Variants in SORCS3 observed in about 807,000 individuals in gnomAD.
SORCS3 encodes the protein sortilin related VPS10 domain containing receptor 3.
SORCS3 carries 57 observed loss-of-function variants against 146.3 expected under a neutral mutation model. The observed-to-expected ratio is 0.39, with a 90% CI of 0.31 to 0.49. The LOEUF is 0.49. SORCS3 is among the 20% of genes least tolerant of loss of function. The pLI, the probability that SORCS3 is intolerant of heterozygous loss-of-function variation, is 0.92. For missense variants in SORCS3, 1,341 were observed against 1,575.5 expected, an observed-to-expected ratio of 0.85 and a Z score of 2.52; for synonymous variants, 653 against 618.5, an observed-to-expected ratio of 1.06 and a Z score of -0.83.
rs1468796707 is a variant in SORCS3 at position 104,756,922 on chromosome 10, C to T, written c.628-85870C>T. On this transcript the variant is annotated intron_variant, in intron 1 of 26. Transcript: ENST00000369701. ...AGGACTTGATCTTCTGTCCGTTCCACCTGCTTTCAGGACCACTGGAGATAG... is the reference window on the plus strand; with the variant it reads ...AGGACTTGATCTTCTGTCCGTTCCATCTGCTTTCAGGACCACTGGAGATAG... Among the ~76,000 whole-genome samples, 37 of 152,160 alleles carry T rather than the reference C, an allele frequency of 2.4e-4. 1 individual carries two copies. The highest frequency in any genetic ancestry group is 2.4e-3 in the Admixed American group (37 of 15,280).
rs187901979 is a variant in SORCS3 at position 104,790,086 on chromosome 10, T to C, written c.628-52706T>C. Among the ~76,000 whole-genome samples, 228 of 152,282 alleles carry C rather than the reference T, an allele frequency of 1.5e-3. 3 individuals carry two copies. The highest frequency in any genetic ancestry group is 5.3e-3 in the African/African-American group (220 of 41,548). On this transcript the variant is annotated intron_variant, in intron 1 of 26. Transcript: ENST00000369701. ...TGTCCAGGATCTATAACTGTTTCTT[T>C]CCCCGTGCAGAAGCACCAAGGTGCA...
Position 104,725,359 on chromosome 10 carries a change from G to A in SORCS3, c.627+83405G>A, listed in dbSNP as rs538513779. 4.6e-5 allele frequency among the ~76,000 whole-genome samples: 7 copies of A among 152,252 alleles called. 1 individual carries two copies. Among genetic ancestry groups the A allele is most frequent in the East Asian group, 3.9e-4 (2 of 5,170 alleles). Reference sequence around the variant, plus strand: ...GAAGTTTTGTCTCAGAGGAGTACCCGGGCATGTGAGGTGTCAGTCTGCCCC... The same window carrying A: ...GAAGTTTTGTCTCAGAGGAGTACCCAGGCATGTGAGGTGTCAGTCTGCCCC... On this transcript the variant is annotated intron_variant, in intron 1 of 26. Transcript: ENST00000369701.
At chr10:104,997,251 G>A (rs1589585795) in intron 4 of SORCS3, among the ~76,000 whole-genome samples, 1 of 152,130 alleles carries the variant, frequency 6.6e-6, no homozygotes, top group African/African-American at 2.4e-5. Context: ...TGGAAGTTGG[G>A]AACTGTCTAT....
At chr10:105,142,114 C>T (rs188231279) in intron 8 of SORCS3, among the ~76,000 whole-genome samples, 7 of 152,246 alleles carry the variant, frequency 4.6e-5, no homozygotes, top group African/African-American at 9.6e-5. Context: ...CACTTTACCA[C>T]GCTGAGCCTG....
intron 6 of SORCS3, among the ~76,000 whole-genome samples, chr10:105,091,442 C>T (rs1195618422): frequency 1.8e-5 from 1 of 55,858 alleles, no homozygotes; most frequent in African/African-American, 7.0e-5. Flanking sequence ...TTCCTTCCTT[C>T]GTTCCTTCCT....
rs112598598 is a variant in SORCS3 at position 104,661,672 on chromosome 10, T to TATAGATAG, written c.627+19740_627+19747dup. Among the ~76,000 whole-genome samples, 919 of 151,672 alleles carry TATAGATAG rather than the reference T, an allele frequency of 6.1e-3. 4 individuals carry two copies. Among genetic ancestry groups the TATAGATAG allele is most frequent in the African/African-American group, 9.1e-3 (377 of 41,340 alleles). On this transcript the variant is annotated intron_variant, in intron 1 of 26. Transcript: ENST00000369701. ...TATTTAAGGTAGTATGATTTGGGAA[T>TATAGATAG]ATAGATAGATAGATAGATAGATAGA...
intron 1 of SORCS3, among the ~76,000 whole-genome samples, chr10:104,686,264 C>A (rs994681965): frequency 5.3e-5 from 8 of 152,030 alleles, no homozygotes; most frequent in Non-Finnish European, 1.2e-4. Context: ...TGGGTATGTT[C>A]TCTGGTCTTG....
At chr10:105,113,882 C>T (rs1037533681) in intron 7 of SORCS3, among the ~76,000 whole-genome samples, 1 of 152,094 alleles carries the variant, frequency 6.6e-6, no homozygotes, top group Non-Finnish European at 1.5e-5. Flanking sequence ...GAAATGCCTC[C>T]GTTCCACTTG....
At chr10:105,185,537 G>T (rs1463199298) in intron 14 of SORCS3, among the ~76,000 whole-genome samples, 2 of 151,932 alleles carry the variant, frequency 1.3e-5, no homozygotes, top group Non-Finnish European at 2.9e-5. Context: ...TTTTAAATTT[G>T]TGATTCACAA....
chr10:104,972,689 A>T (rs888193024), intron 3 of SORCS3, among the ~76,000 whole-genome samples: 4 of 152,050 alleles, frequency 2.6e-5, no homozygotes, highest in African/African-American at 9.7e-5. Context: ...AGGACAGGAG[A>T]CAGAAGACCA....
Position 105,245,528 on chromosome 10 carries a change from ACTT to A in SORCS3, c.2869-7_2869-5del, listed in dbSNP as rs759439692. On this transcript the variant is annotated splice_polypyrimidine_tract_variant and intron_variant, in intron 20 of 26. Coordinates refer to ENST00000369701, the MANE Select transcript of SORCS3 (RefSeq NM_014978.3). ...CACACAAGACTGAATGAGTATTGTT[ACTT>A]CTTCTTGTAGCCTCTCATCACTTTG... is the stretch of plus-strand genomic sequence containing the variant. The A allele has an allele frequency of 2.2e-5, 36 of 1,613,894 alleles. No homozygotes were observed. In the South Asian group the frequency reaches 2.3e-4, roughly 10 times the overall value.
intron 3 of SORCS3, among the ~76,000 whole-genome samples, chr10:104,919,603 C>T (rs985014536): frequency 5.9e-5 from 9 of 151,942 alleles, no homozygotes; most frequent in South Asian, 2.1e-4. Flanking sequence ...GCAGGAGAAT[C>T]GCTTGAACCC....
At chr10:105,155,029 A>C (rs1051792504) in intron 9 of SORCS3, among the ~76,000 whole-genome samples, 1 of 152,216 alleles carries the variant, frequency 6.6e-6, no homozygotes, top group Non-Finnish European at 1.5e-5. Context: ...CATTATGTAC[A>C]ACTGCAGGAG....
chr10:105,133,176 G>T (rs1008476225), intron 7 of SORCS3, among the ~76,000 whole-genome samples: 1 of 152,186 alleles, frequency 6.6e-6, no homozygotes, highest in Non-Finnish European at 1.5e-5. Flanking sequence ...CCCTGAAGGG[G>T]TGTGTGATGT....
At chr10:104,960,471 G>A (rs1179186073) in intron 3 of SORCS3, among the ~76,000 whole-genome samples, 1 of 152,020 alleles carries the variant, frequency 6.6e-6, no homozygotes, top group Non-Finnish European at 1.5e-5. Context: ...TTGCTGGTGG[G>A]GACCCTAAGC....
Position 104,641,298 on chromosome 10 carries a change from G to C in SORCS3, c.-30G>C. The C allele has an allele frequency of 7.9e-7, 1 of 1,267,008 alleles. No homozygotes were observed. Among genetic ancestry groups the C allele is most frequent in the Non-Finnish European group, 9.9e-7 (1 of 1,009,252 alleles). 78.5% of individuals were successfully genotyped at this position (1,267,008 alleles called of 1,614,324 possible). ...GCACCTCGGCGGGCGCCACACACTC[G>C]GCAGCCCGAGCCGCGGTAGCCGCAG... On this transcript the variant is annotated 5_prime_UTR_variant, in exon 1 of 27. Coordinates refer to ENST00000369701, the MANE Select transcript of SORCS3 (RefSeq NM_014978.3). The surrounding 1 kb of genome is among the most constrained non-coding windows in gnomAD (Gnocchi z 6.4).
At chr10:105,240,696 C>A (rs1382258360) in intron 20 of SORCS3, among the ~76,000 whole-genome samples, 1 of 152,000 alleles carries the variant, frequency 6.6e-6, no homozygotes, top group Non-Finnish European at 1.5e-5. Context: ...CAATGGAATG[C>A]AAAATTCAAC....
chr10:104,688,465 G>C (rs940783432), intron 1 of SORCS3, among the ~76,000 whole-genome samples: 2 of 152,134 alleles, frequency 1.3e-5, no homozygotes, highest in Admixed American at 6.5e-5. Flanking sequence ...CTGCCAGCCA[G>C]CGTGGGCAGA....
chr10:104,678,069 A>T (rs2015931682), intron 1 of SORCS3, among the ~76,000 whole-genome samples: 1 of 152,162 alleles, frequency 6.6e-6, no homozygotes, highest in Admixed American at 6.5e-5. Context: ...ACATGTGTGC[A>T]TGGTCTGGCC....
Sources: gnomAD v4.1 joint callset for allele counts (sites outside exome capture counted in the v4.1 genomes callset) on GRCh38, gnomAD v4.1.1 for gene constraint, Gnocchi (gnomAD v3.1) non-coding constraint, MANE v1.5 for transcripts, NCBI Gene and HGNC (gene_info 2026-07-23, HGNC 2026-07-21) for gene names.